Variants in WAC observed in about 807,000 individuals in gnomAD.
WAC encodes the protein WW domain containing adaptor with coiled-coil, also known as WW domain-containing adapter protein with coiled-coil.
A neutral mutation model predicts 79.6 loss-of-function variants in WAC; 11 were observed. The ratio of observed to expected loss-of-function variants is 0.14; its 90% CI spans 0.09 to 0.23. The LOEUF (loss-of-function observed/expected upper bound fraction) is 0.23. WAC is among the 10% of genes least tolerant of loss of function. The pLI, the probability that WAC is intolerant of heterozygous loss-of-function variation, is 1.00. For synonymous variants in WAC, 304 were observed against 276.9 expected (o/e 1.10, Z -0.97); for missense variants, 728 against 773.5 (o/e 0.94, Z 0.70).
intron 3 of WAC, among the ~76,000 whole-genome samples, chr10:28,554,560 C>T (rs1837877076): frequency 6.6e-6 from 1 of 151,962 alleles, no homozygotes; most frequent in Non-Finnish European, 1.5e-5. Context: ...TGAATTTGTT[C>T]ACTTTTTCTA....
intron 3 of WAC, among the ~76,000 whole-genome samples, chr10:28,571,567 T>A (rs763137158): frequency 9.8e-5 from 15 of 152,372 alleles, no homozygotes; most frequent in Non-Finnish European, 2.1e-4. Flanking sequence ...AGTTGAAATC[T>A]TCTGTGTGAG....
intron 8 of WAC, among the ~76,000 whole-genome samples, chr10:28,609,278 G>A (rs987959941): frequency 2.6e-5 from 4 of 151,946 alleles, no homozygotes; most frequent in Non-Finnish European, 5.9e-5. Context: ...TACGAGAATC[G>A]CTTGAACCCA....
intron 9 of WAC, 22 bp downstream of exon 9, chr10:28,610,843 ATC>A: frequency 6.4e-7 from 1 of 1,557,216 alleles, no homozygotes; most frequent in Non-Finnish European, 8.6e-7. Flanking sequence ...CATCTTAGAT[ATC>A]TCTAGAATGG....
intron 3 of WAC, among the ~76,000 whole-genome samples, chr10:28,573,489 A>G (rs1839087002): frequency 6.6e-6 from 1 of 152,208 alleles, no homozygotes; most frequent in Admixed American, 6.5e-5. Flanking sequence ...TTCCTAGGTT[A>G]AAATTTTACT....
At chr10:28,564,797 A>C (rs1456357274) in intron 3 of WAC, among the ~76,000 whole-genome samples, 1 of 152,236 alleles carries the variant, frequency 6.6e-6, no homozygotes, top group African/African-American at 2.4e-5. Context: ...TGACAGCCTC[A>C]AAATTGATAA....
intron 3 of WAC, among the ~76,000 whole-genome samples, chr10:28,572,162 C>T (rs918416367): frequency 1.7e-5 from 2 of 118,270 alleles, no homozygotes; most frequent in African/African-American, 7.0e-5. Flanking sequence ...GATGGTGAAA[C>T]CCCATCTCTA....
rs569146285 is a variant in WAC at position 28,592,394 on chromosome 10, C to T, written c.610+1562C>T. Among the ~76,000 whole-genome samples the T allele has an allele frequency of 2.0e-5, 3 of 152,180 alleles. No individual in the cohort carries two copies. The South Asian group carries it at 6.2e-4, about 32-fold the overall frequency. ...ATCCCAACACTTTGGGAGGCTGAGG[C>T]AGGCGGATCACGAAGTCAAGAGATC... is the stretch of plus-strand genomic sequence containing the variant. On this transcript the variant is annotated intron_variant, in intron 6 of 13. Transcript: ENST00000354911.
intron 1 of WAC, 163 bp downstream of exon 1, chr10:28,533,783 C>A: frequency 1.0e-6 from 1 of 986,098 alleles, no homozygotes; most frequent in Non-Finnish European, 1.5e-6. Flanking sequence ...GGCGGGAACG[C>A]AGTGTGGCGG....
In WAC at chr10:28,620,459, G is replaced by A. The variant is rs1175383627; in HGVS notation, c.*853G>A. On this transcript the variant is annotated 3_prime_UTR_variant, in exon 14 of 14. Coordinates refer to ENST00000354911, the MANE Select transcript of WAC (RefSeq NM_016628.5). ...AATATAAGGAAATGGCCCAATGAAC[G>A]TGGTTGTGGGAGGGGAAAGAGGAAA... 1 of 152,670 alleles carries A rather than the reference G, an allele frequency of 6.6e-6. No individual in the cohort carries two copies. The highest frequency in any genetic ancestry group is 2.1e-4 in the South Asian group (1 of 4,834). The allele number at this position is 152,670 out of a possible 1,614,324, so 9.5% of individuals were successfully genotyped here.
At chr10:28,558,371 C>T (rs34753167) in intron 3 of WAC, among the ~76,000 whole-genome samples, 6 of 151,866 alleles carry the variant, frequency 4.0e-5, no homozygotes, top group Non-Finnish European at 7.4e-5. Context: ...GCAGAAGCAG[C>T]GCAAAGAAAT....
intron 10 of WAC, among the ~76,000 whole-genome samples, chr10:28,612,404 A>G (rs1325119955): frequency 6.6e-6 from 1 of 152,182 alleles, no homozygotes; most frequent in Non-Finnish European, 1.5e-5. Context: ...GTAGAGTCAG[A>G]ATTTGAAACC....
intron 10 of WAC, among the ~76,000 whole-genome samples, chr10:28,613,043 A>C (rs982887167): frequency 6.6e-6 from 1 of 152,204 alleles, no homozygotes; most frequent in African/African-American, 2.4e-5. Flanking sequence ...AGCACTTAGG[A>C]GGCCAAGGCA....
intron 3 of WAC, among the ~76,000 whole-genome samples, chr10:28,552,410 A>G (rs1837728674): frequency 6.6e-6 from 1 of 152,162 alleles, no homozygotes; most frequent in Admixed American, 6.6e-5. Context: ...ATGACATTAG[A>G]TACTACTCCT....
In WAC at chr10:28,573,868, C is replaced by G. The variant is rs533665422; in HGVS notation, c.275-9531C>G. Among the ~76,000 whole-genome samples, 30 of 151,882 alleles carry G rather than the reference C, an allele frequency of 2.0e-4. No homozygotes were observed. In the South Asian group the frequency reaches 6.2e-3, roughly 32 times the overall value. ...CTTTAACTGTCATCCCCCAACACCC[C>G]CCTCACCCTCAGCTCTAAGAAACTA... is the stretch of plus-strand genomic sequence containing the variant. On this transcript the variant is annotated intron_variant, in intron 3 of 13. Coordinates refer to ENST00000354911, the MANE Select transcript of WAC (RefSeq NM_016628.5).
At chr10:28,541,415 G>GTT (rs143772149) in intron 3 of WAC, among the ~76,000 whole-genome samples, 4,872 of 37,708 alleles carry the variant, frequency 0.13, 1,088 homozygotes, top group East Asian at 0.19. Flanking sequence ...GTGTGTGTGT[G>GTT]TTTTGTTTTT....
At chr10:28,590,662 A>ATGGAAACTCATGC (rs1840037375) in intron 5 of WAC, 58 bp from the exon 6 acceptor site, 1 of 1,424,134 alleles carries the variant, frequency 7.0e-7, no homozygotes, top group African/African-American at 1.4e-5. Context: ...GCTGTTTAGT[A>ATGGAAACTCATGC]TGGAAACTCA....
intron 12 of WAC, 74 bp from the exon 13 acceptor site, chr10:28,617,583 C>A: frequency 1.5e-6 from 2 of 1,338,516 alleles, no homozygotes; most frequent in Non-Finnish European, 2.0e-6. Flanking sequence ...TAAAATTGTA[C>A]TCAGAAATTT....
At chr10:28,536,802 C>T (rs1341684993) in intron 3 of WAC, among the ~76,000 whole-genome samples, 1 of 152,154 alleles carries the variant, frequency 6.6e-6, no homozygotes, top group African/African-American at 2.4e-5. Context: ...AGGAACAAAG[C>T]AATTTCAGTA....
intron 4 of WAC, among the ~76,000 whole-genome samples, chr10:28,587,844 G>A (rs1839899935): frequency 6.6e-6 from 1 of 151,994 alleles, no homozygotes. Context: ...TGGTAGACCG[G>A]TGCTCGGGTT....
Sources: gnomAD v4.1 joint callset for allele counts (sites outside exome capture counted in the v4.1 genomes callset) on GRCh38, gnomAD v4.1.1 for gene constraint, MANE v1.5 for transcripts, NCBI Gene and HGNC (gene_info 2026-07-23, HGNC 2026-07-21) for gene names.